The following SYCP1 variants were observed in gnomAD, a reference collection of about 807,000 sequenced individuals.
SYCP1 encodes cancer/testis antigen 8.
Under a neutral mutation model 153.1 loss-of-function variants are expected in SYCP1, and 64 were observed. The ratio of observed to expected loss-of-function variants is 0.42; its 90% CI spans 0.34 to 0.51. SYCP1 has a LOEUF of 0.51. Ranked by LOEUF, SYCP1 falls within the 20% of genes least tolerant of loss-of-function variation. The pLI, the probability that SYCP1 is intolerant of heterozygous loss-of-function variation, is 0.06. For synonymous variants in SYCP1, 384 were observed against 341.8 expected (o/e 1.12, Z -1.36); for missense variants, 997 against 1,049.0 (o/e 0.95, Z 0.68).
chr1:114,973,415 CT>C (rs1182484036), intron 27 of SYCP1, among the ~76,000 whole-genome samples: 1 of 151,980 alleles, frequency 6.6e-6, no homozygotes, highest in African/African-American at 2.4e-5. Flanking sequence ...TTCTAGGCAT[CT>C]TTTTCCTGGA....
intron 29 of SYCP1, among the ~76,000 whole-genome samples, chr1:114,982,477 C>A (rs1182093575): frequency 1.3e-5 from 2 of 151,704 alleles, no homozygotes; most frequent in Non-Finnish European, 2.9e-5. Context: ...TCTTCTTCTG[C>A]TTGCCCAAAT....
chr1:114,984,968 C>A, intron 30 of SYCP1, 100 bp downstream of exon 30: 1 of 526,188 alleles, frequency 1.9e-6, no homozygotes, highest in Non-Finnish European at 2.8e-6. Context: ...TAGTACCTAC[C>A]ATTGCAATAC....
At chr1:114,981,575 TC>T in intron 29 of SYCP1, 63 bp downstream of exon 29, 1 of 1,403,844 alleles carries the variant, frequency 7.1e-7, no homozygotes, top group Admixed American at 2.4e-5. Flanking sequence ...AGTTCTGTTA[TC>T]ACCATATATC....
intron 30 of SYCP1, among the ~76,000 whole-genome samples, chr1:114,987,670 A>C (rs7416955): frequency 0.39 from 58,556 of 151,772 alleles, 12,511 homozygotes; most frequent in East Asian, 0.5. Context: ...GTCTCTAAAA[A>C]TTTTTTTAAA....
intron 15 of SYCP1, among the ~76,000 whole-genome samples, chr1:114,890,400 T>C (rs1666623369): frequency 1.3e-5 from 2 of 151,686 alleles, no homozygotes; most frequent in Admixed American, 1.3e-4. Context: ...AATTTATAAC[T>C]GATTATACAT....
intron 23 of SYCP1, among the ~76,000 whole-genome samples, chr1:114,936,276 A>G (rs1232313178): frequency 3.3e-5 from 5 of 152,214 alleles, no homozygotes; most frequent in African/African-American, 1.2e-4. Flanking sequence ...GTAATCCATC[A>G]CATAAACAGA....
chr1:114,870,278 A>G (rs1361331705), intron 8 of SYCP1, among the ~76,000 whole-genome samples: 2 of 152,118 alleles, frequency 1.3e-5, no homozygotes, highest in African/African-American at 4.8e-5. Context: ...CTCTCAAAGT[A>G]CTGGGATTAC....
intron 20 of SYCP1, among the ~76,000 whole-genome samples, chr1:114,915,336 A>G (rs534033602): frequency 6.6e-5 from 10 of 152,288 alleles, no homozygotes; most frequent in Non-Finnish European, 1.5e-4. Flanking sequence ...ACACAGAAAT[A>G]TTTCTTCTGT....
At chr1:114,965,552 GT>G (rs1193732938) in intron 27 of SYCP1, among the ~76,000 whole-genome samples, 1 of 152,154 alleles carries the variant, frequency 6.6e-6, no homozygotes, top group Non-Finnish European at 1.5e-5. Flanking sequence ...AGTTTATTGA[GT>G]GTTTTTAGCA....
intron 17 of SYCP1, 47 bp downstream of exon 17, chr1:114,910,548 C>T: frequency 8.1e-7 from 1 of 1,233,778 alleles, no homozygotes; most frequent in East Asian, 2.7e-5. Context: ...GTTAATAGAA[C>T]ATAGATTTAT....
intron 27 of SYCP1, among the ~76,000 whole-genome samples, chr1:114,955,652 T>TTGGGA (rs1253061214): frequency 1.3e-5 from 2 of 152,204 alleles, no homozygotes; most frequent in Non-Finnish European, 2.9e-5. Context: ...ATTCTGCACC[T>TTGGGA]ATCCAGTCAA....
chr1:114,966,644 G>GT (rs1250228989), intron 27 of SYCP1, among the ~76,000 whole-genome samples: 1 of 151,060 alleles, frequency 6.6e-6, no homozygotes, highest in Non-Finnish European at 1.5e-5. Flanking sequence ...TTTTCATGTA[G>GT]TTGTGTGGTT....
At chr1:114,932,697 C>T (rs1434399769) in intron 23 of SYCP1, among the ~76,000 whole-genome samples, 2 of 152,188 alleles carry the variant, frequency 1.3e-5, no homozygotes, top group Non-Finnish European at 2.9e-5. Context: ...TGGGACACTC[C>T]CACCCTAATA....
At chr1:114,938,346 A>G (rs905049435) in intron 23 of SYCP1, among the ~76,000 whole-genome samples, 1 of 148,634 alleles carries the variant, frequency 6.7e-6, no homozygotes, top group Admixed American at 6.7e-5. Context: ...TGAATTGAAC[A>G]ATGAGAACAC....
chr1:114,937,228 A>G (rs2101790788), intron 23 of SYCP1, among the ~76,000 whole-genome samples: 1 of 152,362 alleles, frequency 6.6e-6, no homozygotes, highest in Non-Finnish European at 1.5e-5. Context: ...CAGAGCCCTC[A>G]GAAATAATAC....
At chr1:114,867,104 G>C (rs1251562033) in intron 8 of SYCP1, among the ~76,000 whole-genome samples, 2 of 151,914 alleles carry the variant, frequency 1.3e-5, no homozygotes, top group Non-Finnish European at 2.9e-5. Context: ...TTGTTCCCTT[G>C]ATTTCTTTGT....
intron 16 of SYCP1, among the ~76,000 whole-genome samples, chr1:114,899,403 C>A (rs948381717): frequency 3.3e-5 from 5 of 152,310 alleles, no homozygotes; most frequent in African/African-American, 1.2e-4. Flanking sequence ...ATTCAGTTAG[C>A]TCTTCTTTTC....
chr1:114,911,646 TA>T, intron 18 of SYCP1, 64 bp downstream of exon 18: 1 of 746,290 alleles, frequency 1.3e-6, no homozygotes, highest in Non-Finnish European at 1.9e-6. Flanking sequence ...TGATAATAAA[TA>T]ATAATTTAGT....
Position 114,977,614 on chromosome 1 carries a change from A to C in SYCP1, c.2380A>C (p.Lys794Gln). ...NTATLKEKKD[K>Q]KTQTFLLETP... is the part of the protein sequence containing the mutation. The stretch of plus-strand genomic sequence containing the variant: ...AGCTACTCTTAAAGAAAAAAAAGAC[A>C]AGGTAAGAGCATATAATTCTCATAG... The change falls in exon 28 of 32, where the codon AAG (lysine) becomes CAG (glutamine). Residue 794 changes from lysine to glutamine, a missense_variant and splice_region_variant. Lys to Gln is a moderately conservative substitution (Grantham distance 53). This residue lies in a region of SYCP1 where 712 missense variants were observed against 682.9 expected (regional missense o/e 1.04). Transcript: ENST00000369522. 6.7e-7 allele frequency: 1 copy of C among 1,500,396 alleles called. No homozygotes were observed. Among genetic ancestry groups the C allele is most frequent in the East Asian group, 2.4e-5 (1 of 41,228 alleles). 92.9% of individuals were successfully genotyped at this position (1,500,396 alleles called of 1,614,324 possible).
Sources: gnomAD v4.1 joint callset for allele counts (sites outside exome capture counted in the v4.1 genomes callset) on GRCh38, gnomAD v4.1.1 for gene constraint, gnomAD v4.1.1 regional missense constraint, MANE v1.5 for transcripts, NCBI Gene and HGNC (gene_info 2026-07-23, HGNC 2026-07-21) for gene names.